FBXO36: variants seen among roughly 807,000 people sequenced by gnomAD.
FBXO36 encodes the protein F-box only protein 36.
FBXO36 carries 18 observed loss-of-function variants against 17.0 expected under a neutral mutation model. The observed-to-expected ratio is 1.06, with a 90% confidence interval of 0.73 to 1.57. FBXO36 has a LOEUF of 1.57. FBXO36 is among the 40% of genes most tolerant of loss of function. The pLI is 0.00. For missense variants in FBXO36, 229 were observed against 221.9 expected (o/e 1.03, Z -0.20); for synonymous variants, 83 against 85.3 (o/e 0.97, Z 0.15).
intron 1 of FBXO36, among the ~76,000 whole-genome samples, chr2:229,953,079 T>A (rs536099646): frequency 1.7e-4 from 26 of 152,320 alleles, no homozygotes; most frequent in African/African-American, 6.0e-4. Flanking sequence ...GGCTCACGCC[T>A]GTAATCCCAG....
intron 2 of FBXO36, among the ~76,000 whole-genome samples, chr2:229,996,149 A>T (rs1577360908): frequency 6.6e-6 from 1 of 151,962 alleles, no homozygotes; most frequent in East Asian, 1.9e-4. Context: ...ATGGTGGCAC[A>T]CACCAATAGT....
chr2:229,926,782 C>T (rs2106151042), intron 1 of FBXO36, among the ~76,000 whole-genome samples: 1 of 151,816 alleles, frequency 6.6e-6, no homozygotes, highest in Middle Eastern at 3.4e-3. Context: ...TAGTAGTTTA[C>T]ATATATTTTC....
At chr2:229,935,343 G>A (rs1283669420) in intron 1 of FBXO36, among the ~76,000 whole-genome samples, 1 of 152,016 alleles carries the variant, frequency 6.6e-6, no homozygotes, top group East Asian at 1.9e-4. Flanking sequence ...ACACACCACC[G>A]TGTGATAACA....
At chr2:230,010,285 A>AATAC (rs1334689243) in intron 3 of FBXO36, among the ~76,000 whole-genome samples, 2 of 152,168 alleles carry the variant, frequency 1.3e-5, no homozygotes, top group African/African-American at 4.8e-5. Flanking sequence ...AAAATAAATA[A>AATAC]ATACATACAT....
chr2:229,934,013 TA>T (rs1327403932), intron 1 of FBXO36, among the ~76,000 whole-genome samples: 2 of 151,816 alleles, frequency 1.3e-5, no homozygotes, highest in African/African-American at 2.4e-5. Context: ...ACACAAACAT[TA>T]AAAAAAGTTT....
intron 3 of FBXO36, among the ~76,000 whole-genome samples, chr2:230,005,571 C>G (rs1577366463): frequency 6.6e-6 from 1 of 152,132 alleles, no homozygotes; most frequent in East Asian, 1.9e-4. Flanking sequence ...AGGTAGTATA[C>G]TGGGACTATA....
At chr2:229,932,147 C>T (rs1487728261) in intron 1 of FBXO36, among the ~76,000 whole-genome samples, 2 of 151,974 alleles carry the variant, frequency 1.3e-5, no homozygotes, top group African/African-American at 2.4e-5. Flanking sequence ...TTCAGGAGGA[C>T]GAGGTGGGCG....
intron 1 of FBXO36, among the ~76,000 whole-genome samples, chr2:229,950,613 G>A (rs979947822): frequency 1.3e-5 from 2 of 152,184 alleles, no homozygotes; most frequent in African/African-American, 2.4e-5. Context: ...TCATGAGTCA[G>A]GTCAGCCTCC....
intron 1 of FBXO36, among the ~76,000 whole-genome samples, chr2:229,964,095 T>C (rs1473276384): frequency 1.3e-5 from 2 of 152,182 alleles, no homozygotes; most frequent in Admixed American, 6.6e-5. Flanking sequence ...TCTCTCTTTA[T>C]ACAAACTCTT....
At chr2:229,984,421 C>T (rs1267441269) in intron 2 of FBXO36, among the ~76,000 whole-genome samples, 2 of 147,552 alleles carry the variant, frequency 1.4e-5, no homozygotes, top group African/African-American at 5.0e-5. Flanking sequence ...GTCGGAGTCT[C>T]GCTCTGTCGC....
At chr2:229,946,512 A>G (rs967453160) in intron 1 of FBXO36, among the ~76,000 whole-genome samples, 1 of 152,226 alleles carries the variant, frequency 6.6e-6, no homozygotes, top group African/African-American at 2.4e-5. Flanking sequence ...TTAAACATCC[A>G]GTTAACTCTG....
At chr2:229,979,517 T>A (rs1018284446) in intron 2 of FBXO36, among the ~76,000 whole-genome samples, 85 of 151,828 alleles carry the variant, frequency 5.6e-4, no homozygotes, top group African/African-American at 2.0e-3. Context: ...CAGTGGCTCA[T>A]ACCTATAATC....
At chr2:229,945,201 C>T (rs2077020477) in intron 1 of FBXO36, 1 of 152,270 alleles carries the variant, frequency 6.6e-6, no homozygotes, top group East Asian at 1.9e-4. Context: ...ATAACCAACA[C>T]TACCCATTTA....
chr2:229,945,325 T>C (rs979668082), intron 1 of FBXO36, among the ~76,000 whole-genome samples: 1 of 152,118 alleles, frequency 6.6e-6, no homozygotes, highest in African/African-American at 2.4e-5. Context: ...TTCTTTGTTT[T>C]AGCTGGAATC....
chr2:229,934,038 G>C (rs747236928), intron 1 of FBXO36, among the ~76,000 whole-genome samples: 11 of 151,876 alleles, frequency 7.2e-5, no homozygotes, highest in Non-Finnish European at 1.6e-4. Context: ...GATTAGAAAA[G>C]ATTGGAAAAT....
At chr2:229,937,119 CTTCGA>C (rs2076968041) in intron 1 of FBXO36, among the ~76,000 whole-genome samples, 1 of 152,090 alleles carries the variant, frequency 6.6e-6, no homozygotes, top group South Asian at 2.1e-4. Context: ...GCTAATTAAA[CTTCGA>C]TTTCAGCGAT....
intron 3 of FBXO36, among the ~76,000 whole-genome samples, chr2:230,004,507 G>T (rs903397381): frequency 6.6e-6 from 1 of 152,116 alleles, no homozygotes; most frequent in African/African-American, 2.4e-5. Context: ...TCATTCCTCT[G>T]ATTCTCATCT....
chr2:229,956,422 G>A (rs970732239), intron 1 of FBXO36, among the ~76,000 whole-genome samples: 3 of 152,116 alleles, frequency 2.0e-5, no homozygotes, highest in Non-Finnish European at 2.9e-5. Context: ...AATAGAAAAG[G>A]GGCATCACAA....
At position 229,991,616 on chromosome 2, in the gene FBXO36, C is replaced by T. The variant is rs557755182; in HGVS notation, c.206-5135C>T. Among the ~76,000 whole-genome samples the T allele has an allele frequency of 7.2e-4, 110 of 152,290 alleles. 2 individuals carry two copies. In the South Asian group the frequency reaches 0.013, roughly 19 times the overall value. On this transcript the variant is annotated intron_variant, in intron 2 of 3. Transcript: ENST00000283946. ...TCCAAAGTCTTCTCCTTTTGTACTGCGTGTGACCCTTTCAGTTCAGGCTGG... is the reference window on the plus strand; with the variant it reads ...TCCAAAGTCTTCTCCTTTTGTACTGTGTGTGACCCTTTCAGTTCAGGCTGG...
Sources: gnomAD v4.1 joint callset for allele counts (sites outside exome capture counted in the v4.1 genomes callset) on GRCh38, gnomAD v4.1.1 for gene constraint, MANE v1.5 for transcripts, NCBI Gene and HGNC (gene_info 2026-07-23, HGNC 2026-07-21) for gene names.